Variants in RP1 observed in about 807,000 individuals in gnomAD.
RP1 encodes RP1 axonemal microtubule associated.
In RP1, 16 loss-of-function variants were observed where a neutral mutation model predicts 14.8. That is an observed-to-expected ratio of 1.08 (90% CI 0.73 to 1.65). The LOEUF (loss-of-function observed/expected upper bound fraction) is 1.65, where lower values mean the gene tolerates loss of function less well. RP1 is among the 40% of genes most tolerant of loss of function. The probability of loss-of-function intolerance (pLI) is 0.00; values close to 1 mark genes in which losing one functional copy is unlikely to be tolerated. For missense variants in RP1, 2,631 were observed against 2,535.0 expected (o/e 1.04, Z -0.81); for synonymous variants, 876 against 883.6 (o/e 0.99, Z 0.15).
intron 25 of RP1, among the ~76,000 whole-genome samples, chr8:54,845,434 A>T (rs1811895214): frequency 6.6e-6 from 1 of 152,162 alleles, no homozygotes; most frequent in Admixed American, 6.5e-5. Context: ...CTGAAAAAAC[A>T]TGAGCCCTGC....
rs150853241 is a variant in RP1, at chr8:54,677,427, C to T, written c.1403-1034C>T. Among the ~76,000 whole-genome samples, 40 of 152,180 alleles carry T rather than the reference C, an allele frequency of 2.6e-4. 1 individual carries two copies. Among genetic ancestry groups the T allele is most frequent in the Admixed American group, 1.4e-3 (22 of 15,260 alleles). ...GTAAGCTGAAGCGTCTTATATGCTGCGTTAAAAAGTTTTATCTGGCTGAGA... is the reference window on the plus strand; with the variant it reads ...GTAAGCTGAAGCGTCTTATATGCTGTGTTAAAAAGTTTTATCTGGCTGAGA... On this transcript the variant is annotated intron_variant, in intron 8 of 22. Coordinates refer to the RP1 transcript ENST00000636932.
chr8:54,725,644 A>G (rs1056629503), intron 16 of RP1, among the ~76,000 whole-genome samples: 1 of 152,206 alleles, frequency 6.6e-6, no homozygotes, highest in Non-Finnish European at 1.5e-5. Context: ...TTATAGAATC[A>G]GAAATTTACA....
chr8:54,860,525 G>C (rs755246907), intron 27 of RP1, among the ~76,000 whole-genome samples: 9 of 152,140 alleles, frequency 5.9e-5, no homozygotes, highest in Non-Finnish European at 1.2e-4. Context: ...AAATAAAATA[G>C]ATCCCTGGGC....
At chr8:54,642,986 A>T (rs1042303782) in intron 3 of RP1, among the ~76,000 whole-genome samples, 1 of 151,622 alleles carries the variant, frequency 6.6e-6, no homozygotes, top group Non-Finnish European at 1.5e-5. Flanking sequence ...TTTCTTGATC[A>T]CTTGTGTTCT....
At chr8:54,653,733 T>C (rs1806701398) in intron 5 of RP1, among the ~76,000 whole-genome samples, 1 of 152,230 alleles carries the variant, frequency 6.6e-6, no homozygotes, top group Admixed American at 6.5e-5. Flanking sequence ...GTTGAGGTTA[T>C]ATTTTAAAAT....
intron 24 of RP1, among the ~76,000 whole-genome samples, chr8:54,821,528 T>C (rs1755483117): frequency 6.6e-6 from 1 of 152,224 alleles, no homozygotes; most frequent in Non-Finnish European, 1.5e-5. Context: ...TTTAGTACTT[T>C]CTAAACCTGG....
chr8:54,592,520 T>G (rs1236356433), intron 1 of RP1, among the ~76,000 whole-genome samples: 1 of 152,232 alleles, frequency 6.6e-6, no homozygotes, highest in Non-Finnish European at 1.5e-5. Context: ...GTTTGAAACT[T>G]ATTCTTTAGC....
intron 3 of RP1, among the ~76,000 whole-genome samples, chr8:54,636,447 A>G (rs577272638): frequency 3.9e-5 from 6 of 152,370 alleles, no homozygotes; most frequent in African/African-American, 1.4e-4. Context: ...CATAAAAATC[A>G]CAACAGTTGG....
chr8:54,846,493 G>T (rs1811924022), intron 25 of RP1, among the ~76,000 whole-genome samples: 1 of 152,086 alleles, frequency 6.6e-6, no homozygotes, highest in African/African-American at 2.4e-5. Context: ...TATGCATTTG[G>T]TAACACTCAT....
intron 12 of RP1, among the ~76,000 whole-genome samples, chr8:54,682,407 C>T (rs1014505525): frequency 2.4e-4 from 37 of 152,022 alleles, no homozygotes; most frequent in Middle Eastern, 3.4e-3. Flanking sequence ...ATCAGTGTGG[C>T]GATTCCTCAA....
intron 24 of RP1, among the ~76,000 whole-genome samples, chr8:54,823,007 T>G (rs940197336): frequency 1.8e-4 from 28 of 152,206 alleles, no homozygotes; most frequent in African/African-American, 6.0e-4. Context: ...TTTCCCACAG[T>G]GGTTTCATCT....
rs1440127138 is a variant in RP1, at chr8:54,625,143, A to T, written c.1261A>T (p.Ser421Cys). The T allele has an allele frequency of 1.2e-6, 2 of 1,614,082 alleles. No homozygotes were observed. Among genetic ancestry groups the T allele is most frequent in the Admixed American group, 3.3e-5 (2 of 60,014 alleles). Residue 421 changes from serine to cysteine, a missense_variant, in exon 4 of 4, where the codon AGT (serine) becomes TGT (cysteine). Transcript: ENST00000220676. ...GACAGATCAAGTGGCTGAAACTTGC[A>T]GTTCTGCTAGTTGGGAGAATGCTAC... The part of the protein sequence containing the change: ...QMTDQVAETC[S>C]SASWENATVD...
chr8:54,665,414 G>A (rs1354131964), intron 7 of RP1, among the ~76,000 whole-genome samples: 2 of 152,090 alleles, frequency 1.3e-5, no homozygotes, highest in Non-Finnish European at 2.9e-5. Context: ...GTTTTTAGTG[G>A]CCCCCAGGAG....
exon 19 of RP1, chr8:54,738,953 G>T (rs1195151040): frequency 1.3e-6 from 2 of 1,485,330 alleles, no homozygotes; most frequent in Admixed American, 4.4e-5. Context: ...GTTGAAATAA[G>T]AAACACTGGA....
intron 24 of RP1, among the ~76,000 whole-genome samples, chr8:54,828,556 G>A (rs769629584): frequency 2.2e-4 from 33 of 152,168 alleles, no homozygotes; most frequent in Admixed American, 8.5e-4. Flanking sequence ...GCAGATGCTA[G>A]TGCTGGGCTT....
intron 27 of RP1, among the ~76,000 whole-genome samples, chr8:54,857,420 T>A (rs1812231300): frequency 6.7e-6 from 1 of 149,216 alleles, no homozygotes; most frequent in South Asian, 2.1e-4. Flanking sequence ...TTACATTAGG[T>A]ATATTTACAT....
At chr8:54,769,685 AATTTTCTCTCT>A in intron 22 of RP1, 1 of 1,164,334 alleles carries the variant, frequency 8.6e-7, no homozygotes, top group Non-Finnish European at 1.2e-6. Context: ...ATCAGAAATT[AATTTTCTCTCT>A]ATTTTCTCCT....
intron 27 of RP1, among the ~76,000 whole-genome samples, chr8:54,859,149 G>A (rs1384368611): frequency 1.3e-5 from 2 of 152,040 alleles, no homozygotes; most frequent in Non-Finnish European, 2.9e-5. Context: ...TCACTGTGGA[G>A]TGTTGTCAGT....
exon 9 of RP1, chr8:54,678,473 T>G: frequency 7.8e-6 from 12 of 1,534,856 alleles, no homozygotes; most frequent in Non-Finnish European, 9.6e-6. Flanking sequence ...AATGGTTGGT[T>G]TCTTGATGAT....
Sources: gnomAD v4.1 joint callset for allele counts (sites outside exome capture counted in the v4.1 genomes callset) on GRCh38, gnomAD v4.1.1 for gene constraint, MANE v1.5 for transcripts, NCBI Gene and HGNC (gene_info 2026-07-23, HGNC 2026-07-21) for gene names.